Variants in CPSF2 observed in about 807,000 individuals in gnomAD.
The protein encoded by CPSF2 is cleavage and polyadenylation specificity factor subunit 2.
A neutral mutation model predicts 84.2 loss-of-function variants in CPSF2; 51 were observed. The observed-to-expected ratio is 0.61, with a 90% CI of 0.48 to 0.77. The LOEUF (loss-of-function observed/expected upper bound fraction) is 0.77. CPSF2 is among the 30% of genes least tolerant of loss of function. The pLI, the probability that CPSF2 is intolerant of heterozygous loss-of-function variation, is 0.00. For synonymous variants in CPSF2, 286 were observed against 311.9 expected (o/e 0.92, Z 0.87); for missense variants, 641 against 929.4 (o/e 0.69, Z 4.03).
intron 9 of CPSF2, 178 bp from the exon 10 acceptor site, chr14:92,154,180 A>C (rs2069258595): frequency 2.1e-6 from 1 of 473,604 alleles, no homozygotes; most frequent in Admixed American, 3.6e-5. Context: ...CTCAATTTTA[A>C]TACTAATCTA....
intron 1 of CPSF2, among the ~76,000 whole-genome samples, chr14:92,124,869 A>G (rs1567014555): frequency 6.6e-6 from 1 of 152,190 alleles, no homozygotes. Context: ...CCATGTGGCC[A>G]TGAAGAAATT....
In CPSF2 at chr14:92,157,557, G is replaced by A. The variant is rs1223539512; in HGVS notation, c.1596-102G>A. Reference sequence around the variant, plus strand: ...AAATCATACAGATACTATAACATGTGTATTTCTCAAATCCTAGTGTTATAT... The same window carrying A: ...AAATCATACAGATACTATAACATGTATATTTCTCAAATCCTAGTGTTATAT... On this transcript the variant is annotated intron_variant, in intron 12 of 15. Transcript: ENST00000298875. The surrounding 1 kb of genome is among the most constrained non-coding windows in gnomAD (Gnocchi z 4.0). 9 of 706,844 alleles carry A rather than the reference G, an allele frequency of 1.3e-5. No homozygotes were observed. Among genetic ancestry groups the A allele is most frequent in the African/African-American group, 1.8e-5 (1 of 55,128 alleles). 43.8% of individuals were successfully genotyped at this position (706,844 alleles called of 1,614,324 possible).
intron 14 of CPSF2, among the ~76,000 whole-genome samples, chr14:92,160,600 A>G (rs181045509): frequency 1.3e-5 from 2 of 152,244 alleles, no homozygotes; most frequent in African/African-American, 4.8e-5. Flanking sequence ...TCTTCAAAGT[A>G]ATGTCAAAGC....
chr14:92,138,035 T>C (rs1163030054), intron 6 of CPSF2, among the ~76,000 whole-genome samples, 197 bp from the exon 7 acceptor site: 2 of 152,218 alleles, frequency 1.3e-5, no homozygotes, highest in African/African-American at 4.8e-5. Context: ...CTCTGAGTAA[T>C]GGTACTCTGG....
Position 92,170,423 on chromosome 14 carries a change from C to G in CPSF2, c.*8679C>G, listed in dbSNP as rs1386869602. The G allele has an allele frequency of 1.3e-5, 2 of 152,160 alleles. No individual in the cohort carries two copies. The highest frequency in any genetic ancestry group is 1.9e-4 in the East Asian group (1 of 5,196). 9.4% of individuals were successfully genotyped at this position (152,160 alleles called of 1,614,324 possible). On this transcript the variant is annotated 3_prime_UTR_variant, in exon 16 of 16. Coordinates refer to ENST00000298875, the MANE Select transcript of CPSF2 (RefSeq NM_017437.3). ...TATACTTTTTAAAAACAAGGACACT[C>G]CTACATAACCACAGTACTTAAAATC...
chr14:92,142,118 A>G (rs768302638), intron 7 of CPSF2, 46 bp from the exon 8 acceptor site: 5 of 1,346,362 alleles, frequency 3.7e-6, no homozygotes, highest in African/African-American at 2.9e-5. Context: ...ATTTTGTAGC[A>G]TAGTATTGTT....
chr14:92,167,706 A>G lies in CPSF2; in HGVS notation c.*5962A>G, dbSNP rs2069466726. On this transcript the variant is annotated 3_prime_UTR_variant, in exon 16 of 16. Coordinates refer to ENST00000298875, the MANE Select transcript of CPSF2 (RefSeq NM_017437.3). ...AGAAATAGATTGATTTCTATTCTAT[A>G]CTGTGTCCAGTAAAGGTCGGGGGAG... 1 of 152,210 alleles carries G rather than the reference A, an allele frequency of 6.6e-6. No homozygotes were observed. The highest frequency in any genetic ancestry group is 1.9e-4 in the East Asian group (1 of 5,192). 9.4% of individuals were successfully genotyped at this position (152,210 alleles called of 1,614,324 possible).
At chr14:92,135,678 G>A (rs935254233) in intron 6 of CPSF2, among the ~76,000 whole-genome samples, 182 bp downstream of exon 6, 2 of 152,160 alleles carry the variant, frequency 1.3e-5, no homozygotes, top group Non-Finnish European at 2.9e-5. Context: ...TATGGTATAA[G>A]ACATAAGAGA....
intron 13 of CPSF2, 151 bp downstream of exon 13, chr14:92,158,035 G>C: frequency 1.6e-6 from 1 of 616,908 alleles, no homozygotes; most frequent in Non-Finnish European, 2.9e-6. Context: ...TTAGAACAAG[G>C]AAATACCATT....
rs1264320967 is a variant in CPSF2, at chr14:92,164,798, G to A, written c.*3054G>A. ...TGAGATTCAACTTACATACCATAAAGTTCACTCTTCTAAAGTGTACAATTC... is the reference window on the plus strand; with the variant it reads ...TGAGATTCAACTTACATACCATAAAATTCACTCTTCTAAAGTGTACAATTC... On this transcript the variant is annotated 3_prime_UTR_variant, in exon 16 of 16. Coordinates refer to ENST00000298875, the MANE Select transcript of CPSF2 (RefSeq NM_017437.3). 9 of 152,096 alleles carry A rather than the reference G, an allele frequency of 5.9e-5. No individual in the cohort carries two copies. The highest frequency in any genetic ancestry group is 5.9e-4 in the Admixed American group (9 of 15,268). The allele number at this position is 152,096 out of a possible 1,614,324, so 9.4% of individuals were successfully genotyped here.
In CPSF2 at chr14:92,164,730, A is replaced by G. The variant is rs2069421029; in HGVS notation, c.*2986A>G. 6.6e-6 allele frequency: 1 copy of G among 152,254 alleles called. No homozygotes were observed. The highest frequency in any genetic ancestry group is 1.5e-5 in the Non-Finnish European group (1 of 68,046). The allele number at this position is 152,254 out of a possible 1,614,324, so 9.4% of individuals were successfully genotyped here. On this transcript the variant is annotated 3_prime_UTR_variant, in exon 16 of 16. Transcript: ENST00000298875. ...TGGGTGGCCTGAAACAGAAGTGAGG[A>G]AATCAATTTTTTAAGGTGAGCCATT...
intron 14 of CPSF2, among the ~76,000 whole-genome samples, chr14:92,160,601 A>G (rs1567027425): frequency 6.6e-6 from 1 of 152,244 alleles, no homozygotes; most frequent in Admixed American, 6.5e-5. Context: ...CTTCAAAGTA[A>G]TGTCAAAGCA....
At chr14:92,130,882 A>G in intron 2 of CPSF2, 69 bp from the exon 3 acceptor site, 1 of 948,178 alleles carries the variant, frequency 1.1e-6, no homozygotes, top group Non-Finnish European at 1.5e-6. Context: ...AATAATTTTA[A>G]TCAATTTGTT....
chr14:92,146,650 C>T (rs1041941111), intron 9 of CPSF2, among the ~76,000 whole-genome samples: 1 of 152,156 alleles, frequency 6.6e-6, no homozygotes, highest in Non-Finnish European at 1.5e-5. Flanking sequence ...AAAACTGAAA[C>T]TCTGTACCTA....
intron 1 of CPSF2, among the ~76,000 whole-genome samples, chr14:92,122,541 C>T (rs530071840): frequency 2.6e-4 from 39 of 152,376 alleles, no homozygotes; most frequent in African/African-American, 9.1e-4. Flanking sequence ...GGTTGCTAAG[C>T]TCTGGACACC....
At chr14:92,132,726 C>G (rs979732280) in intron 3 of CPSF2, among the ~76,000 whole-genome samples, 3 of 147,208 alleles carry the variant, frequency 2.0e-5, no homozygotes, top group Admixed American at 1.4e-4. Flanking sequence ...GAGCCAAGAT[C>G]GCACCATTGC....
chr14:92,151,084 A>G (rs1352305624), intron 9 of CPSF2, among the ~76,000 whole-genome samples: 1 of 152,168 alleles, frequency 6.6e-6, no homozygotes, highest in Non-Finnish European at 1.5e-5. Flanking sequence ...CACAAATTAA[A>G]AGATCCATTC....
At position 92,162,701 on chromosome 14, in the gene CPSF2, A is replaced by C. The variant is rs1162393364; in HGVS notation, c.*957A>C. On this transcript the variant is annotated 3_prime_UTR_variant, in exon 16 of 16. Transcript: ENST00000298875. The stretch of plus-strand genomic sequence containing the variant: ...ACTAAAATAATACTGAAGTTGGATA[A>C]GGTTATCCTTTCTGTATTTGCGTCT... 1 of 152,180 alleles carries C rather than the reference A, an allele frequency of 6.6e-6. No individual in the cohort carries two copies. The highest frequency in any genetic ancestry group is 2.4e-5 in the African/African-American group (1 of 41,432). 9.4% of individuals were successfully genotyped at this position (152,180 alleles called of 1,614,324 possible).
rs1012078525 is a variant in CPSF2 at position 92,168,238 on chromosome 14, AC to A, written c.*6495del. 12 of 120,066 alleles carry A rather than the reference AC, an allele frequency of 1.0e-4. No homozygotes were observed. Among genetic ancestry groups the A allele is most frequent in the Non-Finnish European group, 2.0e-4 (12 of 59,762 alleles). The allele number at this position is 120,066 out of a possible 1,614,324, so 7.4% of individuals were successfully genotyped here. ...ACTCCATCTTGGGCGACAGAGCGCAACTCTGTCTCCAAAAAAAAAAAAAAAA... is the reference window on the plus strand; with the variant it reads ...ACTCCATCTTGGGCGACAGAGCGCAATCTGTCTCCAAAAAAAAAAAAAAAA... On this transcript the variant is annotated 3_prime_UTR_variant, in exon 16 of 16. Transcript: ENST00000298875.
Sources: allele counts gnomAD v4.1 joint callset (sites outside exome capture counted in the v4.1 genomes callset), GRCh38; gene constraint gnomAD v4.1.1; non-coding constraint Gnocchi (gnomAD v3.1); transcripts MANE v1.5; gene names NCBI Gene and HGNC (gene_info 2026-07-23, HGNC 2026-07-21).